Variants in RPA1 observed in about 807,000 individuals in gnomAD.
RPA1 encodes replication protein A1.
Under a neutral mutation model 83.0 loss-of-function variants are expected in RPA1, and 49 were observed. The ratio of observed to expected loss-of-function variants is 0.59; its 90% CI spans 0.47 to 0.75. RPA1 has a LOEUF of 0.75. RPA1 is among the 30% of genes least tolerant of loss of function. RPA1 has a pLI of 0.00. For synonymous variants in RPA1, 279 were observed against 281.8 expected (o/e 0.99, Z 0.10); for missense variants, 693 against 776.1 (o/e 0.89, Z 1.27).
intron 15 of RPA1, among the ~76,000 whole-genome samples, chr17:1,892,740 TC>T: frequency 6.6e-6 from 1 of 152,368 alleles, no homozygotes. Context: ...TTTCAGCCCA[TC>T]AGATGCAATT....
chr17:1,867,337 TTGTGTGTG>T lies in RPA1; in HGVS notation c.362-5085_362-5078del, dbSNP rs71150830. ...TCACCTCTGGCCAGGTTTCTAGTGT[TTGTGTGTG>T]TGTGTGTGTGTTGTATTTAATTGAA... is the stretch of plus-strand genomic sequence containing the variant. On this transcript the variant is annotated intron_variant, in intron 5 of 16. Coordinates refer to ENST00000254719, the MANE Select transcript of RPA1 (RefSeq NM_002945.5). Among the ~76,000 whole-genome samples the T allele has an allele frequency of 2.0e-5, 3 of 151,106 alleles. No homozygotes were observed. In the East Asian group the frequency reaches 5.8e-4, roughly 29 times the overall value.
At chr17:1,836,871 C>T (rs924828219) in intron 1 of RPA1, among the ~76,000 whole-genome samples, 1 of 147,520 alleles carries the variant, frequency 6.8e-6, no homozygotes, top group African/African-American at 2.5e-5. Context: ...CACAGTCTTG[C>T]TCTGTTGCCA....
chr17:1,858,381 G>C, intron 5 of RPA1: 2 of 1,600,668 alleles, frequency 1.2e-6, no homozygotes, highest in South Asian at 2.2e-5. Flanking sequence ...TTCTGATACA[G>C]AGCTGAGGGC....
intron 4 of RPA1, among the ~76,000 whole-genome samples, chr17:1,852,310 A>G (rs1029153799): frequency 3.9e-5 from 6 of 152,258 alleles, no homozygotes; most frequent in Non-Finnish European, 7.3e-5. Flanking sequence ...TCTGAAGGAA[A>G]GAAATCAAGG....
rs189351951 is a variant in RPA1 at position 1,863,756 on chromosome 17, A to G, written c.362-8678A>G. ...TTTCAAAACATACTTGTAGAAGGCA[A>G]TTTTCAAATGGTTGTTATGTTTTCA... is the stretch of plus-strand genomic sequence containing the variant. On this transcript the variant is annotated intron_variant, in intron 5 of 16. Transcript: ENST00000254719. Among the ~76,000 whole-genome samples the G allele has an allele frequency of 1.1e-4, 17 of 152,320 alleles. No individual in the cohort carries two copies. In the East Asian group the frequency reaches 2.5e-3, roughly 22 times the overall value.
intron 6 of RPA1, among the ~76,000 whole-genome samples, chr17:1,874,032 T>TATATATATATATACACAC (rs1171343408): frequency 2.8e-4 from 22 of 79,248 alleles, no homozygotes; most frequent in African/African-American, 1.3e-3. Flanking sequence ...TATATATATA[T>TATATATATATATACACAC]ACACACACAC....
Position 1,879,363 on chromosome 17 carries a change from C to T in RPA1, c.908C>T (p.Thr303Met), listed in dbSNP as rs188010364. The T allele has an allele frequency of 7.4e-6, 12 of 1,614,098 alleles. No homozygotes were observed. Among genetic ancestry groups the T allele is most frequent in the Admixed American group, 1.7e-5 (1 of 60,008 alleles). The change falls in exon 10 of 17, where the codon ACG (threonine) becomes ATG (methionine). Residue 303 changes from threonine (T) to methionine (M), a missense_variant. By Grantham distance (81) the Thr-to-Met change is moderately conservative (BLOSUM62 -1). Transcript: ENST00000254719. Reference protein sequence around the residue: ...HHLPTVQFDFTGIDDLENKSK... With the variant: ...HHLPTVQFDFMGIDDLENKSK... ...TTACCTACGGTTCAGTTTGATTTCA[C>T]GGGGATTGATGACCTCGAGAACAAG...
intron 4 of RPA1, 81 bp from the exon 5 acceptor site, chr17:1,853,020 A>G (rs1912556579): frequency 9.6e-6 from 10 of 1,045,320 alleles, no homozygotes; most frequent in African/African-American, 4.7e-5. Context: ...CACAATGATC[A>G]TCGGGGAAAG....
intron 11 of RPA1, 142 bp downstream of exon 11, chr17:1,879,841 G>A: frequency 9.5e-7 from 1 of 1,057,890 alleles, no homozygotes; most frequent in East Asian, 2.4e-5. Context: ...CTATAGGATG[G>A]GGCCTTCAGC....
chr17:1,843,034 A>G (rs1033777885), intron 2 of RPA1, among the ~76,000 whole-genome samples, 181 bp downstream of exon 2: 7 of 152,090 alleles, frequency 4.6e-5, no homozygotes, highest in African/African-American at 1.7e-4. Flanking sequence ...AAATGTTACT[A>G]CGTGAGCTGC....
rs995599200 is a variant in RPA1 at position 1,884,427 on chromosome 17, C to T, written c.1374+483C>T. On this transcript the variant is annotated intron_variant, in intron 13 of 16. Transcript: ENST00000254719. This position sits in a 1 kb window ranked among gnomAD's most constrained non-coding sequence, Gnocchi z 4.1. ...ATAGGCTGAGAGCTGCCGGCATTCC[C>T]GGACAAGGATTGGCCCTGACATTTG... is the stretch of plus-strand genomic sequence containing the variant. Among the ~76,000 whole-genome samples the T allele has an allele frequency of 3.3e-5, 5 of 152,292 alleles. No individual in the cohort carries two copies. The highest frequency in any genetic ancestry group is 7.4e-5 in the Non-Finnish European group (5 of 68,024).
In RPA1 at chr17:1,835,747, A is replaced by T. The variant is rs143412688; in HGVS notation, c.33+5621A>T. On this transcript the variant is annotated intron_variant, in intron 1 of 16. Transcript: ENST00000254719. ...AAAAAAATTTTTGAAATGCATGCAT[A>T]GTTTTTTCATAATGCACATTTTTCG... Among the ~76,000 whole-genome samples, 411 of 152,294 alleles carry T rather than the reference A, an allele frequency of 2.7e-3. 1 individual carries two copies. The highest frequency in any genetic ancestry group is 9.5e-3 in the African/African-American group (394 of 41,570).
chr17:1,841,487 G>A (rs1386376198), intron 1 of RPA1, among the ~76,000 whole-genome samples: 2 of 151,960 alleles, frequency 1.3e-5, no homozygotes, highest in African/African-American at 4.8e-5. Context: ...AATTTTTGAT[G>A]GAAACAGGGT....
At chr17:1,846,716 T>C (rs1246348467) in intron 4 of RPA1, among the ~76,000 whole-genome samples, 3 of 152,180 alleles carry the variant, frequency 2.0e-5, no homozygotes, top group African/African-American at 4.8e-5. Flanking sequence ...TTCCTTAATG[T>C]TGTTTTCTAT....
chr17:1,876,753 G>A (rs1215263237), intron 7 of RPA1, among the ~76,000 whole-genome samples: 1 of 152,280 alleles, frequency 6.6e-6, no homozygotes, highest in Non-Finnish European at 1.5e-5. Context: ...AGGTCATGCT[G>A]CTTCAGTGTG....
At chr17:1,896,112 A>G (rs1404853866) in intron 16 of RPA1, among the ~76,000 whole-genome samples, 1 of 152,198 alleles carries the variant, frequency 6.6e-6, no homozygotes, top group Non-Finnish European at 1.5e-5. Context: ...CTATTTTGCC[A>G]CTGAAGGAAT....
chr17:1,846,433 T>G (rs557676153), intron 4 of RPA1, among the ~76,000 whole-genome samples: 2 of 140,570 alleles, frequency 1.4e-5, no homozygotes, highest in African/African-American at 5.2e-5. Flanking sequence ...TTCTCCCACC[T>G]CAGCCTCCCG....
chr17:1,836,839 A>ATT (rs368337248), intron 1 of RPA1, among the ~76,000 whole-genome samples: 87 of 138,190 alleles, frequency 6.3e-4, no homozygotes, highest in South Asian at 2.3e-3. Context: ...TTAAAAAAAA[A>ATT]TTTTTTTTTT....
chr17:1,849,481 AC>A (rs1330716441), intron 4 of RPA1, among the ~76,000 whole-genome samples: 4 of 151,298 alleles, frequency 2.6e-5, no homozygotes, highest in African/African-American at 9.7e-5. Context: ...TTTAGTATAG[AC>A]GGGGTTTCAC....
Sources: gnomAD v4.1 joint callset for allele counts (sites outside exome capture counted in the v4.1 genomes callset) on GRCh38, gnomAD v4.1.1 for gene constraint, Gnocchi (gnomAD v3.1) non-coding constraint, MANE v1.5 for transcripts, NCBI Gene and HGNC (gene_info 2026-07-23, HGNC 2026-07-21) for gene names.